The following MGAT5 variants were observed in gnomAD, a reference collection of about 807,000 sequenced individuals.
The protein encoded by MGAT5 is alpha-1,6-mannosylglycoprotein 6-beta-N-acetylglucosaminyltransferase.
Under a neutral mutation model 94.3 loss-of-function variants are expected in MGAT5, and 30 were observed. That is an observed-to-expected ratio of 0.32 (90% CI 0.24 to 0.43). The LOEUF is 0.43. Ranked by LOEUF, MGAT5 falls within the 20% of genes least tolerant of loss-of-function variation. MGAT5 has a pLI of 1.00. For synonymous variants in MGAT5, 310 were observed against 322.9 expected, an observed-to-expected ratio of 0.96 and a Z score of 0.43; for missense variants, 691 against 905.5, an observed-to-expected ratio of 0.76 and a Z score of 3.04.
At chr2:134,442,005 T>A (rs781439782) in intron 15 of MGAT5, 90 bp downstream of exon 15, 36 of 1,417,424 alleles carry the variant, frequency 2.5e-5, no homozygotes, top group Non-Finnish European at 3.4e-5. Context: ...GGTTTCCTCT[T>A]CCAAGCTACT....
At chr2:134,184,215 C>T (rs1020355158) in intron 1 of MGAT5, among the ~76,000 whole-genome samples, 4 of 152,182 alleles carry the variant, frequency 2.6e-5, no homozygotes, top group Admixed American at 6.5e-5. Context: ...GTATCTGAGA[C>T]GGGAAATGGA....
intron 1 of MGAT5, among the ~76,000 whole-genome samples, chr2:134,245,659 A>G (rs1233614735): frequency 6.6e-6 from 1 of 152,016 alleles, no homozygotes; most frequent in Admixed American, 6.5e-5. Context: ...GACTACCCCC[A>G]TCTCCTTTCC....
In MGAT5 at chr2:134,221,792, G is replaced by A. The variant is rs146462051; in HGVS notation, c.-142-32470G>A. On this transcript the variant is annotated intron_variant, in intron 1 of 16. Transcript: ENST00000409645. ...CCAGGGACAAACGCAGAAAAGGTGG[G>A]CACGTAAGATTGTAAGGTCCGGTTT... Among the ~76,000 whole-genome samples the A allele has an allele frequency of 1.6e-4, 25 of 152,280 alleles. No individual in the cohort carries two copies. In the East Asian group the frequency reaches 4.1e-3, roughly 25 times the overall value.
intron 1 of MGAT5, among the ~76,000 whole-genome samples, chr2:134,142,151 C>T (rs182655790): frequency 3.3e-5 from 5 of 152,266 alleles, no homozygotes; most frequent in Middle Eastern, 3.4e-3. Context: ...AGGTTACTGA[C>T]GCATTGCCCA....
At position 134,169,413 on chromosome 2, in the gene MGAT5, GACAC is replaced by G. The variant is rs71660291; in HGVS notation, c.-143+49146_-143+49149del. ...ACACACACACACACACACACACACA[GACAC>G]ACACACACACACACACACACACATA... is the stretch of plus-strand genomic sequence containing the variant. On this transcript the variant is annotated intron_variant, in intron 1 of 16. Coordinates refer to the MGAT5 transcript ENST00000409645. 1.9e-3 allele frequency among the ~76,000 whole-genome samples: 242 copies of G among 126,882 alleles called. 2 individuals carry two copies. The highest frequency in any genetic ancestry group is 3.5e-3 in the East Asian group (15 of 4,330). 83.2% of individuals were successfully genotyped at this position (126,882 alleles called of 152,430 possible). A position where few individuals can be genotyped will look rare whatever the true frequency, so the allele number is the denominator to read the frequency against.
At chr2:134,405,377 T>A (rs1683274479) in intron 11 of MGAT5, among the ~76,000 whole-genome samples, 1 of 152,196 alleles carries the variant, frequency 6.6e-6, no homozygotes, top group Non-Finnish European at 1.5e-5. Flanking sequence ...CTGAGTGGAA[T>A]CATGGCTCAG....
intron 4 of MGAT5, among the ~76,000 whole-genome samples, chr2:134,332,162 G>C (rs62168055): frequency 0.16 from 23,881 of 151,838 alleles, 2,044 homozygotes; most frequent in Middle Eastern, 0.36. Context: ...AAAGCTGGAG[G>C]CATCACGCTA....
intron 12 of MGAT5, among the ~76,000 whole-genome samples, chr2:134,417,267 C>T (rs1222153735): frequency 6.6e-6 from 1 of 152,152 alleles, no homozygotes; most frequent in Non-Finnish European, 1.5e-5. Flanking sequence ...ATGGCAGCTT[C>T]TACAAAACTA....
At chr2:134,132,829 G>A (rs763299616) in intron 1 of MGAT5, among the ~76,000 whole-genome samples, 14 of 152,372 alleles carry the variant, frequency 9.2e-5, no homozygotes, top group Middle Eastern at 3.4e-3. Flanking sequence ...TGTGGCAGAT[G>A]TGAAAACTCA....
At chr2:134,144,957 C>G (rs551762192) in intron 1 of MGAT5, among the ~76,000 whole-genome samples, 1 of 152,304 alleles carries the variant, frequency 6.6e-6, no homozygotes, top group South Asian at 2.1e-4. Context: ...CTGCTTGGTT[C>G]TTTCTAAATT....
intron 4 of MGAT5, among the ~76,000 whole-genome samples, chr2:134,322,299 G>A (rs1278659206): frequency 1.3e-5 from 2 of 152,132 alleles, no homozygotes; most frequent in Non-Finnish European, 2.9e-5. Context: ...TCATTTACCA[G>A]TGTAATGCAA....
chr2:134,428,221 G>A, intron 13 of MGAT5, 144 bp from the exon 14 acceptor site: 1 of 641,022 alleles, frequency 1.6e-6, no homozygotes, highest in Non-Finnish European at 2.7e-6. Flanking sequence ...ATCAGCTTGA[G>A]ATCACGACTT....
chr2:134,336,417 G>T lies in MGAT5; in HGVS notation c.645+129G>T. 7 of 727,400 alleles carry T rather than the reference G, an allele frequency of 9.6e-6. No individual in the cohort carries two copies. In the South Asian group the frequency reaches 1.3e-4, roughly 13 times the overall value. The allele number at this position is 727,400 out of a possible 1,614,324, so 45.1% of individuals were successfully genotyped here. ...GTTACACTGAAAAACTTCTGTATTC[G>T]TCTCTGTGGAAGTCTAAGTGACTAA... is the stretch of plus-strand genomic sequence containing the variant. On this transcript the variant is annotated intron_variant, in intron 5 of 15. Coordinates refer to ENST00000281923, the MANE Select transcript of MGAT5 (RefSeq NM_002410.5).
At chr2:134,371,944 TAA>T (rs59624970) in intron 10 of MGAT5, among the ~76,000 whole-genome samples, 16 of 139,954 alleles carry the variant, frequency 1.1e-4, no homozygotes, top group Non-Finnish European at 1.6e-4. Context: ...TTGTTTTGTT[TAA>T]AAAAAAAAAA....
intron 1 of MGAT5, among the ~76,000 whole-genome samples, chr2:134,207,438 T>G (rs1680067365): frequency 6.6e-6 from 1 of 152,202 alleles, no homozygotes; most frequent in African/African-American, 2.4e-5. Context: ...CCAGGAAACC[T>G]AACTTGTCAT....
intron 10 of MGAT5, among the ~76,000 whole-genome samples, chr2:134,365,989 G>A (rs1022901183): frequency 5.9e-5 from 9 of 152,016 alleles, no homozygotes; most frequent in African/African-American, 1.9e-4. Flanking sequence ...GAATCTTGCC[G>A]TCAGACTCCA....
At chr2:134,398,993 A>G (rs1391678875) in intron 10 of MGAT5, among the ~76,000 whole-genome samples, 1 of 152,206 alleles carries the variant, frequency 6.6e-6, no homozygotes, top group African/African-American at 2.4e-5. Flanking sequence ...CTAGTGTTCA[A>G]TAGTAGACAA....
chr2:134,328,460 T>C (rs149382976), intron 4 of MGAT5, among the ~76,000 whole-genome samples: 1 of 152,106 alleles, frequency 6.6e-6, no homozygotes, highest in Non-Finnish European at 1.5e-5. Flanking sequence ...TTTCTCCTCA[T>C]TGAGGTCAAG....
At chr2:134,148,101 T>C (rs79308207) in intron 1 of MGAT5, among the ~76,000 whole-genome samples, 3,628 of 152,314 alleles carry the variant, frequency 0.024, 143 homozygotes, top group African/African-American at 0.083. Context: ...TAACTAAATC[T>C]AATTTGTTTG....
Sources: gnomAD v4.1 joint callset for allele counts (sites outside exome capture counted in the v4.1 genomes callset) on GRCh38, gnomAD v4.1.1 for gene constraint, MANE v1.5 for transcripts, NCBI Gene and HGNC (gene_info 2026-07-23, HGNC 2026-07-21) for gene names.